POTEM: variants seen among roughly 807,000 people sequenced by gnomAD.
The protein encoded by POTEM is putative POTE ankyrin domain family member M.
For synonymous variants in POTEM, 8 were observed against 113.2 expected (o/e 0.07, Z 5.90); for missense variants, 24 against 343.0 (o/e 0.07, Z 7.35).
At chr14:18,982,828 G>T (rs1445891702) in intron 6 of POTEM, among the ~76,000 whole-genome samples, 7 of 32,294 alleles carry the variant, frequency 2.2e-4, no homozygotes, top group East Asian at 5.4e-4. Flanking sequence ...AACATTAATT[G>T]TTGGCAGTTT....
At chr14:18,975,041 G>T (rs1594272798) in intron 3 of POTEM, 1 of 351,558 alleles carries the variant, frequency 2.8e-6, no homozygotes, top group African/African-American at 2.5e-5. Flanking sequence ...TCCTGGCCTA[G>T]TCTGACTTTT....
intron 1 of POTEM, among the ~76,000 whole-genome samples, chr14:18,968,333 T>C (rs1890812281): frequency 6.6e-6 from 1 of 152,428 alleles, no homozygotes; most frequent in South Asian, 2.1e-4. Flanking sequence ...GTTAAAAAAG[T>C]GTATATTGAG....
chr14:18,986,945 CAT>C (rs1891198192), intron 7 of POTEM, among the ~76,000 whole-genome samples: 1 of 150,126 alleles, frequency 6.7e-6, no homozygotes, highest in African/African-American at 2.5e-5. Flanking sequence ...TTATTTTTCA[CAT>C]GTTAGAAGCC....
chr14:18,982,751 G>T (rs75951011), intron 6 of POTEM, among the ~76,000 whole-genome samples: 8,011 of 44,354 alleles, frequency 0.18, 312 homozygotes, highest in African/African-American at 0.24. Context: ...CTTTGTTTTT[G>T]TTTTTTTTTT....
intron 6 of POTEM, among the ~76,000 whole-genome samples, chr14:18,981,639 G>A (rs1594275431): frequency 6.6e-6 from 1 of 151,124 alleles, no homozygotes; most frequent in African/African-American, 2.4e-5. Flanking sequence ...TTGTGTGTTT[G>A]CCAGAAGGAA....
chr14:18,985,925 A>AAC (rs1891172409), intron 7 of POTEM, among the ~76,000 whole-genome samples: 3 of 105,398 alleles, frequency 2.8e-5, no homozygotes, highest in African/African-American at 1.2e-4. Context: ...AAAAAAAAAA[A>AAC]AAAATATTTT....
At chr14:18,969,555 T>C (rs1232170335) in intron 1 of POTEM, among the ~76,000 whole-genome samples, 1 of 57,778 alleles carries the variant, frequency 1.7e-5, no homozygotes, top group Non-Finnish European at 3.2e-5. Flanking sequence ...CTAATTGTTT[T>C]GTATTTTTAG....
chr14:18,977,003 A>C (rs1594273521), intron 4 of POTEM, among the ~76,000 whole-genome samples: 1 of 152,160 alleles, frequency 6.6e-6, no homozygotes, highest in East Asian at 1.9e-4. Context: ...GCACATGCTT[A>C]TTGGCATCAT....
chr14:18,968,561 C>A (rs1351637999), intron 1 of POTEM, among the ~76,000 whole-genome samples: 2 of 149,334 alleles, frequency 1.3e-5, no homozygotes, highest in East Asian at 4.0e-4. Context: ...TGGCTCACAC[C>A]TGTAATCCCA....
intron 9 of POTEM, among the ~76,000 whole-genome samples, chr14:18,996,259 T>A (rs1168017641): frequency 1.3e-5 from 2 of 151,346 alleles, no homozygotes; most frequent in African/African-American, 4.9e-5. Context: ...TTCAAAGTCC[T>A]ATGTTAAAAA....
chr14:18,969,286 CATGTATATATATGTATATACGTATATAT>C (rs1890842312), intron 1 of POTEM, among the ~76,000 whole-genome samples: 2 of 108,076 alleles, frequency 1.9e-5, no homozygotes, highest in Admixed American at 9.0e-5. Context: ...TATATATACA[CATGTATATATATGTATATACGTATATAT>C]ATGTATATAT....
At chr14:18,968,295 G>A (rs1209972834) in intron 1 of POTEM, among the ~76,000 whole-genome samples, 1 of 152,288 alleles carries the variant, frequency 6.6e-6, no homozygotes, top group Non-Finnish European at 1.5e-5. Context: ...TATTTTTAAT[G>A]TACAGATTTT....
At position 18,967,633 on chromosome 14, in the gene POTEM, G is replaced by A. The variant is rs1243388183; in HGVS notation, c.148G>A (p.Asp50Asn). Reference protein sequence around the residue: ...KSNVGTSGDHDDSAMKTLRSK... With the variant: ...KSNVGTSGDHNDSAMKTLRSK... ...CAACGTGGGCACTTCTGGAGACCAC[G>A]ATGATTCTGCTATGAAGACACTCAG... Residue 50 changes from aspartate to asparagine, a missense_variant, in exon 1 of 11, where the codon GAT becomes AAT. By Grantham distance (23) the Asp-to-Asn change is conservative. Transcript: ENST00000547889. The A allele has an allele frequency of 1.0e-5, 6 of 573,120 alleles. No individual in the cohort carries two copies. The highest frequency in any genetic ancestry group is 1.2e-4 in the African/African-American group (2 of 16,936). 35.5% of individuals were successfully genotyped at this position (573,120 alleles called of 1,614,324 possible). A position where few individuals can be genotyped will look rare whatever the true frequency, so the allele number is the denominator to read the frequency against.
At position 18,993,060 on chromosome 14, in the gene POTEM, C is replaced by A. The variant is rs201111728; in HGVS notation, c.1410-3981C>A. Among the ~76,000 whole-genome samples, 15 of 69,066 alleles carry A rather than the reference C, an allele frequency of 2.2e-4. 6 individuals are homozygous for A. In the East Asian group the frequency reaches 4.9e-3, roughly 23 times the overall value. 45.3% of individuals were successfully genotyped at this position (69,066 alleles called of 152,430 possible). A position where few individuals can be genotyped will look rare whatever the true frequency, so the allele number is the denominator to read the frequency against. On this transcript the variant is annotated intron_variant, in intron 9 of 10. Coordinates refer to ENST00000547889, the MANE Select transcript of POTEM (RefSeq NM_001145442.1). ...TACAGGCGCGTGCCATGATGCCAGG[C>A]TAATTTTCGTATTTTTAGTAGAGAC... is the stretch of plus-strand genomic sequence containing the variant.
At position 18,999,429 on chromosome 14, in the gene POTEM, T is replaced by A. The variant is rs1477425150; in HGVS notation, c.*764T>A. 8.1e-6 allele frequency among the ~76,000 whole-genome samples: 1 copy of A among 123,970 alleles called. No individual in the cohort carries two copies. Among genetic ancestry groups the A allele is most frequent in the Non-Finnish European group, 1.8e-5 (1 of 55,102 alleles). The allele number at this position is 123,970 out of a possible 152,430, so 81.3% of individuals were successfully genotyped here. A position where few individuals can be genotyped will look rare whatever the true frequency, so the allele number is the denominator to read the frequency against. On this transcript the variant is annotated 3_prime_UTR_variant, in exon 11 of 11. Coordinates refer to ENST00000547889, the MANE Select transcript of POTEM (RefSeq NM_001145442.1). ...CCTGGCTGGCCGGGAACTGACTGAC[T>A]ACCTCATGAAGATCCTCACCGAGCG...
chr14:18,996,286 G>C (rs1205045712), intron 9 of POTEM, among the ~76,000 whole-genome samples: 1 of 150,018 alleles, frequency 6.7e-6, no homozygotes, highest in African/African-American at 2.5e-5. Flanking sequence ...ATTAGACCCT[G>C]TCTTGTTCTA....
intron 7 of POTEM, among the ~76,000 whole-genome samples, chr14:18,986,961 G>T (rs1374098939): frequency 6.7e-6 from 1 of 148,892 alleles, no homozygotes; most frequent in Non-Finnish European, 1.5e-5. Context: ...AGAAGCCAGT[G>T]ATGTGGCGGT....
chr14:18,969,316 TGTATATATATATATATAC>T (rs1890846423), intron 1 of POTEM, among the ~76,000 whole-genome samples: 234 of 20,442 alleles, frequency 0.011, 1 homozygote, highest in African/African-American at 0.032. Flanking sequence ...CGTATATATA[TGTATATATATATATATAC>T]GTATATACAT....
At chr14:18,969,370 TATATATATAC>T (rs1162151122) in intron 1 of POTEM, among the ~76,000 whole-genome samples, 603 of 129,978 alleles carry the variant, frequency 4.6e-3, no homozygotes, top group African/African-American at 0.017. Context: ...TATATATATA[TATATATATAC>T]ACAAAATTTC....
Sources: gnomAD v4.1 joint callset for allele counts (sites outside exome capture counted in the v4.1 genomes callset) on GRCh38, gnomAD v4.1.1 for gene constraint, MANE v1.5 for transcripts, NCBI Gene and HGNC (gene_info 2026-07-23, HGNC 2026-07-21) for gene names.